The following HDAC9 variants were observed in gnomAD, a reference collection of about 807,000 sequenced individuals.
HDAC9 encodes the protein histone deacetylase 9.
In HDAC9, 41 loss-of-function variants were observed where a neutral mutation model predicts 139.4. The ratio of observed to expected loss-of-function variants is 0.29; its 90% CI spans 0.23 to 0.38. HDAC9 has a LOEUF of 0.38. Among genes scored for constraint, HDAC9 ranks in the 10% least tolerant of loss-of-function variants. The pLI, the probability that HDAC9 is intolerant of heterozygous loss-of-function variation, is 1.00. For missense variants in HDAC9, 1,147 were observed against 1,297.0 expected (o/e 0.88, Z 1.78); for synonymous variants, 517 against 476.2 (o/e 1.09, Z -1.12).
chr7:18,465,763 A>G (rs1794217426), intron 1 of HDAC9, among the ~76,000 whole-genome samples: 1 of 152,094 alleles, frequency 6.6e-6, no homozygotes. Flanking sequence ...GATCTTCTTA[A>G]TCAGTTACTA....
intron 2 of HDAC9, among the ~76,000 whole-genome samples, chr7:18,528,578 G>A (rs1189068892): frequency 6.6e-6 from 1 of 151,922 alleles, no homozygotes. Flanking sequence ...AAATTACTTA[G>A]CAAACTCATA....
At chr7:18,579,978 A>T (rs558942947) in intron 2 of HDAC9, among the ~76,000 whole-genome samples, 1 of 152,336 alleles carries the variant, frequency 6.6e-6, no homozygotes, top group South Asian at 2.1e-4. Context: ...CAGCTGATAA[A>T]GTAGCAACGA....
chr7:18,395,277 C>T (rs937205537), intron 1 of HDAC9: 1 of 152,052 alleles, frequency 6.6e-6, no homozygotes, highest in South Asian at 2.1e-4. Context: ...AGCAACTTCA[C>T]ACATTATCTC....
chr7:18,763,465 T>A (rs935582217), intron 15 of HDAC9, among the ~76,000 whole-genome samples: 6 of 152,244 alleles, frequency 3.9e-5, no homozygotes, highest in Admixed American at 2.6e-4. Flanking sequence ...TTGCTAATAT[T>A]TGATGATAAA....
At chr7:18,580,322 A>G (rs1583633149) in intron 2 of HDAC9, among the ~76,000 whole-genome samples, 1 of 152,206 alleles carries the variant, frequency 6.6e-6, no homozygotes, top group Non-Finnish European at 1.5e-5. Flanking sequence ...AACATTAAAA[A>G]GAAGGAATAA....
intron 22 of HDAC9, among the ~76,000 whole-genome samples, chr7:18,924,413 G>A (rs959720042): frequency 5.3e-5 from 8 of 151,958 alleles, no homozygotes; most frequent in East Asian, 1.9e-4. Context: ...CTTACAATTC[G>A]GAGGGTTCCT....
At chr7:18,576,465 CA>C (rs1177255256) in intron 2 of HDAC9, among the ~76,000 whole-genome samples, 1 of 151,942 alleles carries the variant, frequency 6.6e-6, no homozygotes. Flanking sequence ...AGTTCAAAAC[CA>C]GCTTGGCAAA....
intron 12 of HDAC9, among the ~76,000 whole-genome samples, chr7:18,703,160 T>A (rs1403699640): frequency 6.6e-6 from 1 of 152,192 alleles, no homozygotes; most frequent in Non-Finnish European, 1.5e-5. Context: ...ACTGAGTATA[T>A]ATATTGTTGC....
intron 1 of HDAC9, among the ~76,000 whole-genome samples, chr7:18,422,125 C>T: frequency 6.6e-6 from 1 of 152,156 alleles, no homozygotes; most frequent in East Asian, 1.9e-4. Flanking sequence ...GAAGTTAATG[C>T]CTTGGTTCTA....
intron 10 of HDAC9, 46 bp from the exon 11 acceptor site, chr7:18,648,420 G>A: frequency 1.5e-6 from 2 of 1,320,040 alleles, no homozygotes; most frequent in Non-Finnish European, 1.1e-6. Context: ...ATGTGTGTGT[G>A]TGTGTGTGTG....
intron 1 of HDAC9, among the ~76,000 whole-genome samples, chr7:18,358,345 T>C (rs1783493004): frequency 6.6e-6 from 1 of 152,212 alleles, no homozygotes; most frequent in South Asian, 2.1e-4. Context: ...ATGTAGGAGG[T>C]AGAAGAAACA....
At chr7:18,969,712 TCC>T (rs200919975) in intron 24 of HDAC9, among the ~76,000 whole-genome samples, 2,363 of 152,236 alleles carry the variant, frequency 0.016, 53 homozygotes, top group African/African-American at 0.054. Context: ...TTTTTAAAAG[TCC>T]GAACTTTGGA....
At chr7:18,824,502 G>A (rs781397939) in intron 17 of HDAC9, among the ~76,000 whole-genome samples, 3 of 152,192 alleles carry the variant, frequency 2.0e-5, no homozygotes, top group Non-Finnish European at 4.4e-5. Flanking sequence ...AAGTCCCAGT[G>A]CAGATGAAGC....
At chr7:18,100,868 T>C (rs999466395) in intron 1 of HDAC9, among the ~76,000 whole-genome samples, 41 of 151,268 alleles carry the variant, frequency 2.7e-4, no homozygotes, top group African/African-American at 9.8e-4. Flanking sequence ...TTCTTGAGTA[T>C]TTTTTTTCTG....
chr7:18,448,297 G>T (rs1008261961), intron 1 of HDAC9, among the ~76,000 whole-genome samples: 1 of 152,202 alleles, frequency 6.6e-6, no homozygotes. Flanking sequence ...AAGAGTAGAT[G>T]TTGAAAGGAG....
chr7:18,328,534 A>G (rs547694964), intron 1 of HDAC9, among the ~76,000 whole-genome samples: 1 of 152,068 alleles, frequency 6.6e-6, no homozygotes, highest in African/African-American at 2.4e-5. Context: ...CTTTATAGGG[A>G]AAATCAAATT....
chr7:18,822,921 G>C (rs1795097958), intron 17 of HDAC9, among the ~76,000 whole-genome samples: 1 of 152,034 alleles, frequency 6.6e-6, no homozygotes, highest in Admixed American at 6.5e-5. Context: ...CATAGTATTT[G>C]TATTTTGTTA....
intron 1 of HDAC9, among the ~76,000 whole-genome samples, chr7:18,106,583 G>T (rs1251866312): frequency 6.6e-6 from 1 of 152,020 alleles, no homozygotes; most frequent in Non-Finnish European, 1.5e-5. Flanking sequence ...CTCCTGAGTA[G>T]CTGAGATTAC....
At chr7:18,473,568 A>G (rs2128121923) in intron 1 of HDAC9, among the ~76,000 whole-genome samples, 1 of 152,390 alleles carries the variant, frequency 6.6e-6, no homozygotes, top group Non-Finnish European at 1.5e-5. Flanking sequence ...TAACTCATTA[A>G]GACAACCTAT....
Sources: allele counts gnomAD v4.1 joint callset (sites outside exome capture counted in the v4.1 genomes callset), GRCh38; gene constraint gnomAD v4.1.1; transcripts MANE v1.5; gene names NCBI Gene and HGNC (gene_info 2026-07-23, HGNC 2026-07-21).